The following CACNA1C variants were observed in gnomAD, a reference collection of about 807,000 sequenced individuals.
CACNA1C encodes the protein voltage-dependent L-type calcium channel subunit alpha-1C.
In CACNA1C, 30 loss-of-function variants were observed where a neutral mutation model predicts 229.0. The observed-to-expected ratio is 0.13, with a 90% confidence interval of 0.10 to 0.18. The LOEUF is 0.18. Among genes scored for constraint, CACNA1C ranks in the 10% least tolerant of loss-of-function variants. The pLI is 1.00. For missense variants in CACNA1C, 1,658 were observed against 2,845.0 expected (o/e 0.58, Z 9.49); for synonymous variants, 1,114 against 1,132.5 (o/e 0.98, Z 0.33).
At chr12:2,574,593 A>G (rs1020689562) in intron 13 of CACNA1C, among the ~76,000 whole-genome samples, 1 of 152,208 alleles carries the variant, frequency 6.6e-6, no homozygotes, top group African/African-American at 2.4e-5. Flanking sequence ...AATCTTGGCC[A>G]CATATGGGCC....
At chr12:2,297,910 A>G (rs914742508) in intron 3 of CACNA1C, among the ~76,000 whole-genome samples, 13 of 152,218 alleles carry the variant, frequency 8.5e-5, no homozygotes, top group Non-Finnish European at 1.9e-4. Context: ...ATGCAAATAA[A>G]TAAATAGAGA....
At position 2,182,898 on chromosome 12, in the gene CACNA1C, A is replaced by G. The variant is rs2096883707; in HGVS notation, c.477+62468A>G. 3.3e-5 allele frequency among the ~76,000 whole-genome samples: 5 copies of G among 152,080 alleles called. 1 individual carries two copies. In the South Asian group the frequency reaches 1.0e-3, roughly 32 times the overall value. ...CTGTCCTCGGAAGAGAGGACTTTGG[A>G]AGAAGGTGGTCTTGGTTTCGGTCCT... On this transcript the variant is annotated intron_variant, in intron 3 of 46. Transcript: ENST00000399655.
At chr12:2,501,228 A>AAAAAAAAC (rs2099759344) in intron 7 of CACNA1C, among the ~76,000 whole-genome samples, 1 of 150,834 alleles carries the variant, frequency 6.6e-6, no homozygotes, top group African/African-American at 2.4e-5. Flanking sequence ...AAAAAAAAAA[A>AAAAAAAAC]AAAAAAGTAA....
chr12:2,345,057 C>T (rs1346575670), intron 3 of CACNA1C, among the ~76,000 whole-genome samples: 3 of 148,646 alleles, frequency 2.0e-5, no homozygotes, highest in Admixed American at 6.8e-5. Flanking sequence ...AGCTCTCTGG[C>T]CGTGAGCCCC....
At chr12:2,571,085 A>G (rs1433893711) in intron 13 of CACNA1C, among the ~76,000 whole-genome samples, 2 of 152,234 alleles carry the variant, frequency 1.3e-5, no homozygotes, top group South Asian at 2.1e-4. Context: ...GATCCTCCCA[A>G]GTACCTACAT....
intron 13 of CACNA1C, among the ~76,000 whole-genome samples, chr12:2,573,391 T>C (rs1369566998): frequency 1.3e-5 from 2 of 152,246 alleles, no homozygotes; most frequent in South Asian, 2.1e-4. Context: ...GATGGTACTT[T>C]TGATAGTTTT....
chr12:2,549,071 A>G (rs2099890049), intron 9 of CACNA1C, among the ~76,000 whole-genome samples: 1 of 138,034 alleles, frequency 7.2e-6, no homozygotes. Context: ...AATAATAATA[A>G]AAGAAATGGC....
chr12:2,233,652 G>A (rs925955301), intron 3 of CACNA1C, among the ~76,000 whole-genome samples: 7 of 152,174 alleles, frequency 4.6e-5, no homozygotes, highest in African/African-American at 1.4e-4. Context: ...CCCATGCCTT[G>A]TTTCTGATAC....
chr12:2,079,626 T>C (rs1344052040), intron 1 of CACNA1C, among the ~76,000 whole-genome samples: 1 of 152,158 alleles, frequency 6.6e-6, no homozygotes, highest in Non-Finnish European at 1.5e-5. Context: ...GTCCAGTGCT[T>C]CAACATATAA....
At chr12:2,157,999 AAGT>A (rs937942942) in intron 3 of CACNA1C, among the ~76,000 whole-genome samples, 3 of 152,182 alleles carry the variant, frequency 2.0e-5, no homozygotes, top group African/African-American at 7.2e-5. Flanking sequence ...ATATCCAAGA[AAGT>A]AGGGCAAAAA....
chr12:2,185,345 G>A (rs533384990), intron 3 of CACNA1C, among the ~76,000 whole-genome samples: 1 of 152,276 alleles, frequency 6.6e-6, no homozygotes, highest in South Asian at 2.1e-4. Flanking sequence ...CACGCCCTCA[G>A]GGCCTTGCCC....
At position 2,390,404 on chromosome 12, in the gene CACNA1C, C is replaced by T. The variant is rs942626040; in HGVS notation, c.478-58572C>T. Among the ~76,000 whole-genome samples, 8 of 152,188 alleles carry T rather than the reference C, an allele frequency of 5.3e-5. No individual in the cohort carries two copies. The South Asian group carries it at 8.3e-4, about 16-fold the overall frequency. Reference sequence around the variant, plus strand: ...TTGGCTAGTGCTTAACATTACGGGACAGTCACTGAGCATTTACTATGGATT... The same window carrying T: ...TTGGCTAGTGCTTAACATTACGGGATAGTCACTGAGCATTTACTATGGATT... On this transcript the variant is annotated intron_variant, in intron 3 of 46. Transcript: ENST00000399655.
At chr12:2,604,396 G>A (rs926998763) in intron 22 of CACNA1C, among the ~76,000 whole-genome samples, 4 of 152,190 alleles carry the variant, frequency 2.6e-5, no homozygotes, top group Non-Finnish European at 5.9e-5. Flanking sequence ...AGTCCTGAGT[G>A]TGCTCTGGGT....
At chr12:2,622,390 G>A (rs539123478) in intron 29 of CACNA1C, among the ~76,000 whole-genome samples, 1 of 152,178 alleles carries the variant, frequency 6.6e-6, no homozygotes, top group African/African-American at 2.4e-5. Context: ...GGGGTCTTCA[G>A]TGTGCACCTT....
intron 1 of CACNA1C, among the ~76,000 whole-genome samples, chr12:2,094,441 G>A (rs1414740796): frequency 1.3e-5 from 2 of 152,198 alleles, no homozygotes; most frequent in African/African-American, 2.4e-5. Flanking sequence ...TTCAGGGGTG[G>A]AGGTGGGCGA....
At chr12:2,021,931 G>A (rs2046532849) in intron 1 of CACNA1C, among the ~76,000 whole-genome samples, 1 of 152,152 alleles carries the variant, frequency 6.6e-6, no homozygotes, top group African/African-American at 2.4e-5. Context: ...ATACGTTTCG[G>A]GGGACACAGT....
chr12:2,552,010 C>T (rs867800319), intron 10 of CACNA1C, among the ~76,000 whole-genome samples: 1 of 152,088 alleles, frequency 6.6e-6, no homozygotes, highest in African/African-American at 2.4e-5. Flanking sequence ...GGTGATAGGA[C>T]GGGTTGTTCA....
intron 1 of CACNA1C, among the ~76,000 whole-genome samples, chr12:1,995,711 G>T (rs1380066334): frequency 6.6e-6 from 1 of 152,212 alleles, no homozygotes; most frequent in Non-Finnish European, 1.5e-5. Context: ...TGCTGTTCTA[G>T]TCCTGCTTTT....
At position 2,605,599 on chromosome 12, in the gene CACNA1C, G is replaced by A. The variant is rs773387720; in HGVS notation, c.3049-80G>A. 5 of 999,040 alleles carry A rather than the reference G, an allele frequency of 5.0e-6. No homozygotes were observed. The East Asian group carries it at 7.3e-5, about 15-fold the overall frequency. 61.9% of individuals were successfully genotyped at this position (999,040 alleles called of 1,614,324 possible). A position where few individuals can be genotyped will look rare whatever the true frequency, so the allele number is the denominator to read the frequency against. Reference sequence around the variant, plus strand: ...CCAATTACTCCCCGTTGTGGCAAACGGGCTGCCCCTGCTACCTCCTGGAAA... The same window carrying A: ...CCAATTACTCCCCGTTGTGGCAAACAGGCTGCCCCTGCTACCTCCTGGAAA... On this transcript the variant is annotated intron_variant, in intron 23 of 46. Coordinates refer to ENST00000399655, the MANE Select transcript of CACNA1C (RefSeq NM_000719.7). The surrounding 1 kb of genome is among the most constrained non-coding windows in gnomAD (Gnocchi z 6.2).
Sources: allele counts gnomAD v4.1 joint callset (sites outside exome capture counted in the v4.1 genomes callset), GRCh38; gene constraint gnomAD v4.1.1; non-coding constraint Gnocchi (gnomAD v3.1); transcripts MANE v1.5; gene names NCBI Gene and HGNC (gene_info 2026-07-23, HGNC 2026-07-21).